The following DPPA2 variants were observed in gnomAD, a reference collection of about 807,000 sequenced individuals.
DPPA2 encodes developmental pluripotency associated 2, also known as developmental pluripotency-associated protein 2.
A neutral mutation model predicts 36.2 loss-of-function variants in DPPA2; 26 were observed. The ratio of observed to expected loss-of-function variants is 0.72; its 90% confidence interval spans 0.53 to 1.00. DPPA2 has a LOEUF of 1.00. Ranked by LOEUF, DPPA2 falls within the 50% of genes least tolerant of loss-of-function variation. The pLI is 0.00. For missense variants in DPPA2, 361 were observed against 365.1 expected, an observed-to-expected ratio of 0.99 and a Z score of 0.09; for synonymous variants, 113 against 123.2, an observed-to-expected ratio of 0.92 and a Z score of 0.55.
At chr3:109,307,464 G>A (rs532826723) in intron 6 of DPPA2, among the ~76,000 whole-genome samples, 19 of 151,768 alleles carry the variant, frequency 1.3e-4, no homozygotes, top group African/African-American at 3.9e-4. Flanking sequence ...TTAGCTGGGC[G>A]TGGTGGTGGG....
intron 6 of DPPA2, among the ~76,000 whole-genome samples, chr3:109,307,603 CAAAAAAAAAAA>C (rs769445059): frequency 4.3e-4 from 19 of 43,846 alleles, no homozygotes; most frequent in Admixed American, 1.2e-3. Flanking sequence ...AACTCCATCT[CAAAAAAAAAAA>C]AAAAAAAAAA....
intron 8 of DPPA2, among the ~76,000 whole-genome samples, chr3:109,298,138 G>A (rs34097557): frequency 3.9e-5 from 6 of 151,950 alleles, no homozygotes; most frequent in Admixed American, 3.9e-4. Context: ...TTGCGGGGAG[G>A]GATGAATTGG....
At chr3:109,294,580 A>G (rs1219837893) in intron 8 of DPPA2, among the ~76,000 whole-genome samples, 2 of 152,224 alleles carry the variant, frequency 1.3e-5, no homozygotes, top group African/African-American at 2.4e-5. Flanking sequence ...GCAGAGTTCT[A>G]AATGTAAGCA....
chr3:109,310,241 A>AAAG (rs1707677536), intron 3 of DPPA2, among the ~76,000 whole-genome samples: 1 of 139,002 alleles, frequency 7.2e-6, no homozygotes, highest in African/African-American at 2.7e-5. Flanking sequence ...AAAAAAAAAA[A>AAAG]AAAAAGAAAA....
intron 3 of DPPA2, among the ~76,000 whole-genome samples, chr3:109,310,407 CAAAAAA>C (rs147915128): frequency 1.6e-5 from 1 of 63,470 alleles, no homozygotes; most frequent in Non-Finnish European, 3.0e-5. Flanking sequence ...GACTCTGTCT[CAAAAAA>C]AAAAAAAAAA....
intron 7 of DPPA2, 97 bp from the exon 8 acceptor site, chr3:109,300,532 C>A (rs1432546340): frequency 8.1e-6 from 10 of 1,227,800 alleles, no homozygotes; most frequent in Non-Finnish European, 1.2e-5. Context: ...ATAAAGCATG[C>A]ACTTCTGGGC....
At chr3:109,310,407 C>CAAAA (rs147915128) in intron 3 of DPPA2, among the ~76,000 whole-genome samples, 3 of 63,454 alleles carry the variant, frequency 4.7e-5, no homozygotes, top group African/African-American at 1.6e-4. Context: ...GACTCTGTCT[C>CAAAA]AAAAAAAAAA....
At chr3:109,302,669 G>A (rs1235313246) in intron 7 of DPPA2, among the ~76,000 whole-genome samples, 1 of 149,152 alleles carries the variant, frequency 6.7e-6, no homozygotes, top group Non-Finnish European at 1.5e-5. Context: ...GGTCAGGCTG[G>A]TCTCAAACTC....
chr3:109,309,403 T>C, intron 3 of DPPA2, 73 bp from the exon 4 acceptor site: 1 of 1,566,296 alleles, frequency 6.4e-7, no homozygotes, highest in Non-Finnish European at 8.7e-7. Flanking sequence ...TACAAAGATC[T>C]AGGGTCGGGC....
chr3:109,296,851 G>A (rs1472412703), intron 8 of DPPA2, among the ~76,000 whole-genome samples: 1 of 152,036 alleles, frequency 6.6e-6, no homozygotes, highest in Non-Finnish European at 1.5e-5. Context: ...ACTTTGAGAG[G>A]CTGAGGCTGA....
intron 6 of DPPA2, among the ~76,000 whole-genome samples, chr3:109,307,013 G>A (rs1707579161): frequency 1.3e-5 from 2 of 151,576 alleles, no homozygotes; most frequent in Admixed American, 6.6e-5. Flanking sequence ...CTGTCTGTCA[G>A]GCCAGAGTGC....
chr3:109,308,357 A>G, intron 5 of DPPA2, 64 bp from the exon 6 acceptor site: 1 of 1,535,882 alleles, frequency 6.5e-7, no homozygotes, highest in Non-Finnish European at 8.7e-7. Flanking sequence ...TTTTGGGTCA[A>G]TTTTATTATT....
chr3:109,311,824 AG>A (rs972171614), intron 3 of DPPA2, among the ~76,000 whole-genome samples: 40 of 152,322 alleles, frequency 2.6e-4, no homozygotes, highest in African/African-American at 8.9e-4. Flanking sequence ...ACAGATACAA[AG>A]GGTCATGATT....
At chr3:109,315,273 G>C (rs11712428) in intron 1 of DPPA2, among the ~76,000 whole-genome samples, 1 of 151,980 alleles carries the variant, frequency 6.6e-6, no homozygotes, top group Non-Finnish European at 1.5e-5. Context: ...TTTATGCACG[G>C]GGGTATGTTA....
chr3:109,311,198 C>T (rs573720176), intron 3 of DPPA2, among the ~76,000 whole-genome samples: 1 of 152,272 alleles, frequency 6.6e-6, no homozygotes, highest in Non-Finnish European at 1.5e-5. Flanking sequence ...CTGAATAGAA[C>T]ATTATGTTGG....
intron 6 of DPPA2, 81 bp from the exon 7 acceptor site, chr3:109,304,751 T>A: frequency 1.4e-6 from 2 of 1,408,626 alleles, no homozygotes; most frequent in East Asian, 4.7e-5. Context: ...CTCTTGAATT[T>A]GCTCTTGTAT....
intron 3 of DPPA2, among the ~76,000 whole-genome samples, chr3:109,311,972 T>C (rs1707719031): frequency 1.3e-5 from 2 of 152,154 alleles, no homozygotes; most frequent in African/African-American, 4.8e-5. Context: ...TGTTGGGAAT[T>C]TGAACTCATG....
At position 109,304,518 on chromosome 3, in the gene DPPA2, G is replaced by C; in HGVS notation, c.811C>G (p.Pro271Ala). The change falls in exon 7 of 9, where the codon CCA becomes GCA. Residue 271 changes from proline to alanine, a missense_variant. Transcript: ENST00000478945. ...CATAACATATTATCTTCTATGCCTG[G>C]GGATGGGAAAATGCAGGCAGGTAAC... ...FLLPACIFPS[P>A]GIEDNMLCPD... 1 of 1,613,946 alleles carries C rather than the reference G, an allele frequency of 6.2e-7. No homozygotes were observed. Among genetic ancestry groups the C allele is most frequent in the Non-Finnish European group, 8.5e-7 (1 of 1,179,984 alleles).
intron 8 of DPPA2, among the ~76,000 whole-genome samples, chr3:109,296,617 G>C (rs1413082615): frequency 6.6e-6 from 1 of 151,762 alleles, no homozygotes; most frequent in Non-Finnish European, 1.5e-5. Context: ...GGAGGTTGCA[G>C]AGAGCCAAGA....
Sources: allele counts gnomAD v4.1 joint callset (sites outside exome capture counted in the v4.1 genomes callset), GRCh38; gene constraint gnomAD v4.1.1; transcripts MANE v1.5; gene names NCBI Gene and HGNC (gene_info 2026-07-23, HGNC 2026-07-21).